Variants in MKLN1 observed in about 807,000 individuals in gnomAD.
The protein encoded by MKLN1 is muskelin 1, also known as muskelin.
A neutral mutation model predicts 99.0 loss-of-function variants in MKLN1; 18 were observed. The observed-to-expected ratio is 0.18, with a 90% confidence interval of 0.13 to 0.27. The LOEUF is 0.27. MKLN1 is among the 10% of genes least tolerant of loss of function. MKLN1 has a pLI of 1.00. For missense variants in MKLN1, 621 were observed against 875.9 expected (o/e 0.71, Z 3.67); for synonymous variants, 288 against 293.2 (o/e 0.98, Z 0.18).
intron 2 of MKLN1, among the ~76,000 whole-genome samples, chr7:131,193,930 T>G (rs1796604372): frequency 6.6e-6 from 1 of 151,934 alleles, no homozygotes. Context: ...ACCTTGTCCT[T>G]TTTCAAAATT....
chr7:131,308,021 T>G (rs1248140957), intron 3 of MKLN1, among the ~76,000 whole-genome samples: 1 of 152,172 alleles, frequency 6.6e-6, no homozygotes, highest in Non-Finnish European at 1.5e-5. Flanking sequence ...GGTGAATGGA[T>G]CATAGGGGCA....
intron 1 of MKLN1, among the ~76,000 whole-genome samples, chr7:131,374,534 G>C (rs1219424799): frequency 6.6e-6 from 1 of 152,040 alleles, no homozygotes; most frequent in East Asian, 1.9e-4. Context: ...ACATTTACCA[G>C]CCATTTACTT....
At chr7:131,336,972 A>G (rs1168460312) in intron 1 of MKLN1, among the ~76,000 whole-genome samples, 1 of 152,190 alleles carries the variant, frequency 6.6e-6, no homozygotes, top group Non-Finnish European at 1.5e-5. Context: ...TTTGAAGAAT[A>G]TATTAAATGA....
At chr7:131,271,305 A>C (rs954364399) in intron 3 of MKLN1, among the ~76,000 whole-genome samples, 5 of 152,134 alleles carry the variant, frequency 3.3e-5, no homozygotes, top group African/African-American at 1.2e-4. Flanking sequence ...GAGGAAAGGC[A>C]TGAGATGGCT....
chr7:131,387,789 G>A (rs1227192190), intron 3 of MKLN1, among the ~76,000 whole-genome samples: 1 of 152,110 alleles, frequency 6.6e-6, no homozygotes, highest in South Asian at 2.1e-4. Flanking sequence ...TTTGACCACC[G>A]GGAATGAAGG....
intron 1 of MKLN1, among the ~76,000 whole-genome samples, chr7:131,372,356 G>GA (rs557238310): frequency 1.6e-3 from 249 of 151,964 alleles, no homozygotes; most frequent in Non-Finnish European, 2.9e-3. Flanking sequence ...GATATGAAAG[G>GA]AATTTGTGTT....
intron 3 of MKLN1, among the ~76,000 whole-genome samples, chr7:131,213,923 T>A (rs1391002207): frequency 6.6e-6 from 1 of 152,228 alleles, no homozygotes; most frequent in Non-Finnish European, 1.5e-5. Context: ...ATGGTCTCTT[T>A]TTTAAAGTGG....
chr7:131,281,770 C>T (rs1231902220), intron 3 of MKLN1, among the ~76,000 whole-genome samples: 1 of 151,974 alleles, frequency 6.6e-6, no homozygotes, highest in Non-Finnish European at 1.5e-5. Context: ...CAACCTCCAA[C>T]TTGTGAGCTC....
intron 3 of MKLN1, among the ~76,000 whole-genome samples, chr7:131,247,963 A>G (rs1279524188): frequency 6.6e-6 from 1 of 152,132 alleles, no homozygotes; most frequent in Non-Finnish European, 1.5e-5. Context: ...CAGTGGCACC[A>G]TCATGGCTCA....
chr7:131,314,508 C>T (rs371314975), intron 3 of MKLN1, among the ~76,000 whole-genome samples: 80 of 152,194 alleles, frequency 5.3e-4, no homozygotes, highest in Non-Finnish European at 6.6e-4. Context: ...CTGCAAGCTC[C>T]GCGTCCCAGG....
chr7:131,219,732 A>G (rs760108606), intron 3 of MKLN1, among the ~76,000 whole-genome samples: 1 of 152,038 alleles, frequency 6.6e-6, no homozygotes, highest in Non-Finnish European at 1.5e-5. Context: ...GCAATTCTGC[A>G]GCTCGCTTTT....
chr7:131,347,456 C>T lies in MKLN1; in HGVS notation c.98+19459C>T, dbSNP rs535821627. On this transcript the variant is annotated intron_variant, in intron 1 of 17. Transcript: ENST00000352689. ...AAGCTGTGTATGCTGCAAGAGCATG[C>T]ACGGCAAGCATACCTGAACCAAGAA... Among the ~76,000 whole-genome samples, 6 of 152,188 alleles carry T rather than the reference C, an allele frequency of 3.9e-5. No individual in the cohort carries two copies. In the East Asian group the frequency reaches 7.7e-4, roughly 20 times the overall value.
intron 1 of MKLN1, among the ~76,000 whole-genome samples, chr7:131,348,654 A>G (rs1310503888): frequency 6.6e-6 from 1 of 152,196 alleles, no homozygotes. Context: ...CATTGGTCAA[A>G]GATACCTATT....
At chr7:131,174,127 C>T (rs1796258799) in intron 2 of MKLN1, among the ~76,000 whole-genome samples, 2 of 151,976 alleles carry the variant, frequency 1.3e-5, no homozygotes, top group Non-Finnish European at 2.9e-5. Context: ...TGCCCGCCAC[C>T]GCACCCGGCT....
intron 3 of MKLN1, among the ~76,000 whole-genome samples, chr7:131,308,003 T>G (rs1168993610): frequency 6.6e-6 from 1 of 152,208 alleles, no homozygotes; most frequent in Non-Finnish European, 1.5e-5. Context: ...GGGAGGGACC[T>G]GCTGGGAGGT....
chr7:131,140,102 C>A (rs988803975), intron 1 of MKLN1, among the ~76,000 whole-genome samples: 1 of 152,186 alleles, frequency 6.6e-6, no homozygotes, highest in Admixed American at 6.5e-5. Flanking sequence ...TCACTCTGAC[C>A]TGACTGCTGC....
intron 16 of MKLN1, among the ~76,000 whole-genome samples, chr7:131,477,367 G>A (rs1052669857): frequency 7.5e-5 from 11 of 145,998 alleles, no homozygotes; most frequent in Admixed American, 6.9e-4. Flanking sequence ...GGCAACATGT[G>A]AGACCTCGTC....
chr7:131,445,598 A>G (rs1449028377), intron 11 of MKLN1, among the ~76,000 whole-genome samples, 176 bp from the exon 12 acceptor site: 2 of 152,016 alleles, frequency 1.3e-5, no homozygotes, highest in African/African-American at 4.8e-5. Context: ...TGTCCTAGAG[A>G]TCCCCTTTTA....
chr7:131,180,480 C>G (rs1013847921), intron 2 of MKLN1, among the ~76,000 whole-genome samples: 4 of 152,128 alleles, frequency 2.6e-5, no homozygotes, highest in African/African-American at 9.7e-5. Flanking sequence ...GGGCGGATCA[C>G]CTGAGGTCAG....
Sources: allele counts gnomAD v4.1 joint callset (sites outside exome capture counted in the v4.1 genomes callset), GRCh38; gene constraint gnomAD v4.1.1; transcripts MANE v1.5; gene names NCBI Gene and HGNC (gene_info 2026-07-23, HGNC 2026-07-21).